Variants in ESF1 observed in about 807,000 individuals in gnomAD.
ESF1 encodes ESF1 nucleolar pre-rRNA processing protein.
In ESF1, 58 loss-of-function variants were observed where a neutral mutation model predicts 92.0. The ratio of observed to expected loss-of-function variants is 0.63; its 90% confidence interval spans 0.51 to 0.78. ESF1 has a LOEUF of 0.78. Ranked by LOEUF, ESF1 falls within the 30% of genes least tolerant of loss-of-function variation. ESF1 has a pLI of 0.00. For missense variants in ESF1, 922 were observed against 989.1 expected, an observed-to-expected ratio of 0.93 and a Z score of 0.91; for synonymous variants, 321 against 313.7, an observed-to-expected ratio of 1.02 and a Z score of -0.24.
At chr20:13,772,336 C>G (rs1421102944) in intron 5 of ESF1, among the ~76,000 whole-genome samples, 179 bp downstream of exon 5, 1 of 152,012 alleles carries the variant, frequency 6.6e-6, no homozygotes, top group Non-Finnish European at 1.5e-5. Flanking sequence ...TATACACGAA[C>G]AAAAATCTTC....
At chr20:13,747,419 C>T (rs1024227409) in intron 9 of ESF1, among the ~76,000 whole-genome samples, 3 of 151,704 alleles carry the variant, frequency 2.0e-5, no homozygotes, top group African/African-American at 7.3e-5. Flanking sequence ...ATTAGCTGGG[C>T]GTGGTGGTGC....
intron 9 of ESF1, among the ~76,000 whole-genome samples, chr20:13,755,257 C>G (rs1293483464): frequency 1.3e-5 from 2 of 151,452 alleles, no homozygotes; most frequent in African/African-American, 4.8e-5. Context: ...TCTATTAGGC[C>G]AGAGATAGCT....
rs1023176640 is a variant in ESF1 at position 13,740,195 on chromosome 20, T to C, written c.1829-6353A>G. Among the ~76,000 whole-genome samples the C allele has an allele frequency of 1.9e-4, 29 of 152,142 alleles. 1 individual carries two copies. The highest frequency in any genetic ancestry group is 5.8e-4 in the African/African-American group (24 of 41,404). On this transcript the variant is annotated intron_variant, in intron 9 of 13. Coordinates refer to ENST00000617257, the MANE Select transcript of ESF1 (RefSeq NM_001276380.2). ...CAAATATTTTTTAAAAGAAGTACTT[T>C]TGACACAGGCTTCTGCAATTCCCTT...
chr20:13,763,211 T>A (rs768747816), intron 8 of ESF1, among the ~76,000 whole-genome samples: 1 of 152,158 alleles, frequency 6.6e-6, no homozygotes, highest in Non-Finnish European at 1.5e-5. Flanking sequence ...GGTACATCAT[T>A]TCAGTATTTC....
Position 13,775,130 on chromosome 20 carries a change from TTATTTCAAAATGAAATCAATTC to T in ESF1, c.1149+5_1149+26del. 6.9e-7 allele frequency: 1 copy of T among 1,451,718 alleles called. No homozygotes were observed. Among genetic ancestry groups the T allele is most frequent in the Non-Finnish European group, 9.4e-7 (1 of 1,063,102 alleles). The allele number at this position is 1,451,718 out of a possible 1,614,324, so 89.9% of individuals were successfully genotyped here. On this transcript the variant is annotated splice_donor_5th_base_variant and intron_variant, in intron 4 of 13. Coordinates refer to ENST00000617257, the MANE Select transcript of ESF1 (RefSeq NM_001276380.2). The stretch of plus-strand genomic sequence containing the variant: ...TTTAACTTAAAATGCCTAGAAATAT[TTATTTCAAAATGAAATCAATTC>T]TCACCTTGACGGAAAATATTACACC...
chr20:13,737,110 T>C (rs2049980388), intron 9 of ESF1, among the ~76,000 whole-genome samples: 1 of 152,236 alleles, frequency 6.6e-6, no homozygotes, highest in African/African-American at 2.4e-5. Flanking sequence ...GCAGCCACTA[T>C]GTGACTGAAA....
intron 10 of ESF1, among the ~76,000 whole-genome samples, chr20:13,729,194 G>T (rs755432913): frequency 6.6e-6 from 1 of 152,206 alleles, no homozygotes; most frequent in Non-Finnish European, 1.5e-5. Flanking sequence ...GGAGACGGAG[G>T]TTGCAGTGAG....
intron 9 of ESF1, among the ~76,000 whole-genome samples, chr20:13,738,503 G>T (rs892870828): frequency 1.3e-5 from 2 of 151,862 alleles, no homozygotes; most frequent in Non-Finnish European, 2.9e-5. Flanking sequence ...TTATAGAGAC[G>T]TAAGTCTCAC....
intron 11 of ESF1, among the ~76,000 whole-genome samples, chr20:13,720,514 G>C (rs1381097731): frequency 1.3e-5 from 2 of 152,188 alleles, no homozygotes; most frequent in African/African-American, 2.4e-5. Flanking sequence ...AAATATAGTG[G>C]ACCGAGTGGC....
At chr20:13,748,592 A>ATATAT (rs1331098586) in intron 9 of ESF1, among the ~76,000 whole-genome samples, 71 of 95,716 alleles carry the variant, frequency 7.4e-4, no homozygotes, top group African/African-American at 4.6e-3. Context: ...ATATATATAT[A>ATATAT]TTTTTTTTTT....
At chr20:13,769,213 C>T (rs1320609394) in intron 7 of ESF1, among the ~76,000 whole-genome samples, 1 of 152,014 alleles carries the variant, frequency 6.6e-6, no homozygotes, top group East Asian at 1.9e-4. Context: ...TAAATTTTCC[C>T]TAGTTTCATT....
At chr20:13,748,523 T>TATATAC (rs1978407324) in intron 9 of ESF1, among the ~76,000 whole-genome samples, 1 of 116,596 alleles carries the variant, frequency 8.6e-6, no homozygotes, top group Non-Finnish European at 1.9e-5. Flanking sequence ...TATACACATA[T>TATATAC]ATATATACAC....
At chr20:13,725,018 C>T (rs543388187) in intron 11 of ESF1, among the ~76,000 whole-genome samples, 2 of 152,202 alleles carry the variant, frequency 1.3e-5, no homozygotes, top group East Asian at 3.9e-4. Flanking sequence ...AATTTATACG[C>T]CCCATCTTTC....
At chr20:13,780,833 C>T (rs1024885401) in intron 2 of ESF1, among the ~76,000 whole-genome samples, 1 of 152,180 alleles carries the variant, frequency 6.6e-6, no homozygotes, top group African/African-American at 2.4e-5. Flanking sequence ...TTAGTAAACA[C>T]GTAATGCAAA....
In ESF1 at chr20:13,776,152, A is replaced by G; in HGVS notation, c.756T>C (p.Asp252=). The change falls in exon 3 of 14, where the codon GAT becomes GAC. Residue 252 remains aspartate, a synonymous_variant. Transcript: ENST00000617257. ...TTGTAATTTCATTTTCAGATTCCTC[A>G]TCACTTCCTATTTCACTAACGCTTT... The part of the protein sequence containing the change: ...DSESVSEIGS[D]EESENEITSV... The G allele has an allele frequency of 1.2e-6, 2 of 1,613,886 alleles. No homozygotes were observed. Among genetic ancestry groups the G allele is most frequent in the Non-Finnish European group, 8.5e-7 (1 of 1,179,928 alleles).
intron 11 of ESF1, among the ~76,000 whole-genome samples, chr20:13,720,983 C>CGTGGTG (rs1259738529): frequency 6.6e-6 from 1 of 152,088 alleles, no homozygotes; most frequent in African/African-American, 2.4e-5. Context: ...ATTAGCCAAG[C>CGTGGTG]GTGGTGGCCA....
chr20:13,737,057 T>A (rs1435348710), intron 9 of ESF1, among the ~76,000 whole-genome samples: 1 of 152,192 alleles, frequency 6.6e-6, no homozygotes, highest in Non-Finnish European at 1.5e-5. Context: ...CCTCTTGGCA[T>A]AAGTACGAGA....
intron 11 of ESF1, among the ~76,000 whole-genome samples, chr20:13,721,189 TC>T (rs1477052505): frequency 6.6e-6 from 1 of 152,224 alleles, no homozygotes; most frequent in Non-Finnish European, 1.5e-5. Context: ...TATAAAGATT[TC>T]ATGTAAATGA....
intron 9 of ESF1, 143 bp downstream of exon 9, chr20:13,759,549 T>C: frequency 9.0e-7 from 1 of 1,109,188 alleles, no homozygotes; most frequent in Non-Finnish European, 1.2e-6. Flanking sequence ...GAGTCTAAAA[T>C]GCTAGTCATT....
Sources: gnomAD v4.1 joint callset for allele counts (sites outside exome capture counted in the v4.1 genomes callset) on GRCh38, gnomAD v4.1.1 for gene constraint, MANE v1.5 for transcripts, NCBI Gene and HGNC (gene_info 2026-07-23, HGNC 2026-07-21) for gene names.